Variants in GRIK2 observed in about 807,000 individuals in gnomAD.
The protein encoded by GRIK2 is glutamate receptor ionotropic, kainate 2.
In GRIK2, 32 loss-of-function variants were observed where a neutral mutation model predicts 100.3. The ratio of observed to expected loss-of-function variants is 0.32; its 90% CI spans 0.24 to 0.43. The LOEUF is 0.43. GRIK2 is among the 20% of genes least tolerant of loss of function. The pLI, the probability that GRIK2 is intolerant of heterozygous loss-of-function variation, is 1.00. For missense variants in GRIK2, 843 were observed against 1,114.9 expected, an observed-to-expected ratio of 0.76 and a Z score of 3.47; for synonymous variants, 417 against 389.4, an observed-to-expected ratio of 1.07 and a Z score of -0.83.
chr6:101,961,224 C>T (rs1284280650), intron 14 of GRIK2, among the ~76,000 whole-genome samples: 1 of 152,100 alleles, frequency 6.6e-6, no homozygotes, highest in African/African-American at 2.4e-5. Flanking sequence ...AAATCCCTAC[C>T]CCATAGCTAC....
chr6:101,561,204 A>C (rs1776995645), intron 2 of GRIK2, among the ~76,000 whole-genome samples: 1 of 152,186 alleles, frequency 6.6e-6, no homozygotes, highest in Non-Finnish European at 1.5e-5. Context: ...AGGTCAAGGA[A>C]GTTCATTTAA....
chr6:101,831,122 A>T (rs2128428037), intron 10 of GRIK2, among the ~76,000 whole-genome samples: 1 of 152,288 alleles, frequency 6.6e-6, no homozygotes, highest in East Asian at 1.9e-4. Flanking sequence ...AAAATAAAAA[A>T]TAATTTAAAA....
At chr6:101,474,061 A>G (rs1034599746) in intron 2 of GRIK2, among the ~76,000 whole-genome samples, 1 of 151,826 alleles carries the variant, frequency 6.6e-6, no homozygotes, top group Non-Finnish European at 1.5e-5. Flanking sequence ...AATGAATCCC[A>G]TATTAATGCT....
At chr6:101,739,849 G>A (rs971764523) in intron 7 of GRIK2, among the ~76,000 whole-genome samples, 12 of 152,004 alleles carry the variant, frequency 7.9e-5, no homozygotes, top group Admixed American at 5.2e-4. Flanking sequence ...ACAATTTTCT[G>A]TAAGACATGG....
chr6:101,397,228 A>T (rs1775045041), intron 1 of GRIK2, among the ~76,000 whole-genome samples: 1 of 152,242 alleles, frequency 6.6e-6, no homozygotes, highest in South Asian at 2.1e-4. Flanking sequence ...ATATTGGCAG[A>T]TAAAAATGTG....
chr6:101,903,907 A>C (rs1282857748), intron 12 of GRIK2, among the ~76,000 whole-genome samples: 2 of 151,608 alleles, frequency 1.3e-5, no homozygotes, highest in African/African-American at 4.8e-5. Context: ...TTCTAGGGGA[A>C]AATATCTCTA....
intron 2 of GRIK2, among the ~76,000 whole-genome samples, chr6:101,576,918 G>C (rs1475174750): frequency 6.6e-6 from 1 of 151,940 alleles, no homozygotes; most frequent in African/African-American, 2.4e-5. Flanking sequence ...AGTACATAGC[G>C]GAGGCCACAT....
At chr6:101,801,135 A>G (rs183935324) in intron 8 of GRIK2, among the ~76,000 whole-genome samples, 60 of 152,048 alleles carry the variant, frequency 3.9e-4, no homozygotes, top group Non-Finnish European at 1.0e-4. Flanking sequence ...TACTTGTGCA[A>G]TTTCACCTGG....
chr6:101,991,359 C>CT (rs978330012), intron 14 of GRIK2, among the ~76,000 whole-genome samples: 4 of 149,800 alleles, frequency 2.7e-5, no homozygotes, highest in African/African-American at 9.7e-5. Context: ...GTTGGAATGT[C>CT]TGACTCCAAA....
rs574888489 is a variant in GRIK2, at chr6:101,734,216, T to C, written c.951+47863T>C. 2.3e-4 allele frequency among the ~76,000 whole-genome samples: 35 copies of C among 152,212 alleles called. No individual in the cohort carries two copies. In the South Asian group the frequency reaches 6.6e-3, roughly 29 times the overall value. ...TAGTACAAGAAACTGACTCAAGCAA[T>C]TATGGAGACTAAGAAGTTCCAAGAT... is the stretch of plus-strand genomic sequence containing the variant. On this transcript the variant is annotated intron_variant, in intron 7 of 16. Transcript: ENST00000369134.
At chr6:102,061,703 C>A (rs1175743745) in intron 16 of GRIK2, among the ~76,000 whole-genome samples, 3 of 150,260 alleles carry the variant, frequency 2.0e-5, no homozygotes, top group Non-Finnish European at 3.0e-5. Context: ...AATGAATAAA[C>A]AAGTTATGAA....
intron 7 of GRIK2, among the ~76,000 whole-genome samples, chr6:101,753,676 A>G (rs1047336480): frequency 8.5e-5 from 13 of 152,208 alleles, no homozygotes; most frequent in African/African-American, 2.9e-4. Context: ...AAAAAAGAAA[A>G]AAAAGGAACA....
At chr6:101,769,326 G>A (rs990861612) in intron 7 of GRIK2, among the ~76,000 whole-genome samples, 1 of 152,034 alleles carries the variant, frequency 6.6e-6, no homozygotes, top group African/African-American at 2.4e-5. Context: ...TATATTCATT[G>A]GGTAGCCTTT....
intron 2 of GRIK2, among the ~76,000 whole-genome samples, chr6:101,428,502 T>C (rs1292945114): frequency 6.6e-6 from 1 of 152,182 alleles, no homozygotes; most frequent in Non-Finnish European, 1.5e-5. Flanking sequence ...TTAAAGAATA[T>C]CACATTCTAT....
chr6:101,889,558 A>AT lies in GRIK2; in HGVS notation c.1525-76dup, dbSNP rs997008110. Reference sequence around the variant, plus strand: ...TTTGTTTTATTTAATTTGATTACTGATTTTTTCTTGTGACTGAAAATCAAT... The same window carrying AT: ...TTTGTTTTATTTAATTTGATTACTGATTTTTTTCTTGTGACTGAAAATCAAT... On this transcript the variant is annotated intron_variant, in intron 11 of 16. Coordinates refer to ENST00000369134, the MANE Select transcript of GRIK2 (RefSeq NM_021956.5). 5.1e-5 allele frequency: 38 copies of AT among 743,628 alleles called. No individual in the cohort carries two copies. The Admixed American group carries it at 9.0e-4, about 18-fold the overall frequency. The allele number at this position is 743,628 out of a possible 1,614,324, so 46.1% of individuals were successfully genotyped here.
chr6:101,967,434 A>G (rs1792756420), intron 14 of GRIK2, among the ~76,000 whole-genome samples: 1 of 152,114 alleles, frequency 6.6e-6, no homozygotes, highest in Admixed American at 6.6e-5. Flanking sequence ...TTCAATTTAC[A>G]TAAGCACTTT....
intron 14 of GRIK2, among the ~76,000 whole-genome samples, chr6:102,022,841 TC>T (rs1488452488): frequency 6.6e-6 from 1 of 151,660 alleles, no homozygotes; most frequent in African/African-American, 2.4e-5. Flanking sequence ...GTTATTATTT[TC>T]TTTTTTAATC....
At chr6:101,701,897 A>T (rs1772924766) in intron 7 of GRIK2, among the ~76,000 whole-genome samples, 1 of 152,086 alleles carries the variant, frequency 6.6e-6, no homozygotes, top group Non-Finnish European at 1.5e-5. Flanking sequence ...AAGGACCAGT[A>T]GAAGTTCTCT....
At chr6:101,716,266 TAATA>T (rs1774060987) in intron 7 of GRIK2, among the ~76,000 whole-genome samples, 1 of 151,592 alleles carries the variant, frequency 6.6e-6, no homozygotes, top group African/African-American at 2.4e-5. Context: ...TGATAATAAA[TAATA>T]AATATAGTTA....
Sources: gnomAD v4.1 joint callset for allele counts (sites outside exome capture counted in the v4.1 genomes callset) on GRCh38, gnomAD v4.1.1 for gene constraint, MANE v1.5 for transcripts, NCBI Gene and HGNC (gene_info 2026-07-23, HGNC 2026-07-21) for gene names.